Variants in MPP7 observed in about 807,000 individuals in gnomAD.
MPP7 encodes the protein MAGUK p55 subfamily member 7.
A neutral mutation model predicts 76.5 loss-of-function variants in MPP7; 60 were observed. That is an observed-to-expected ratio of 0.78 (90% CI 0.64 to 0.97). MPP7 has a LOEUF of 0.97. Among genes scored for constraint, MPP7 ranks in the 50% least tolerant of loss-of-function variants. MPP7 has a pLI of 0.00. For missense variants in MPP7, 641 were observed against 694.0 expected (o/e 0.92, Z 0.86); for synonymous variants, 237 against 244.5 (o/e 0.97, Z 0.29).
chr10:28,318,523 A>G (rs1199067416), intron 2 of MPP7, among the ~76,000 whole-genome samples: 2 of 152,156 alleles, frequency 1.3e-5, no homozygotes, highest in African/African-American at 4.8e-5. Context: ...CATCTCTACT[A>G]AAACTATAAA....
chr10:28,053,703 C>G lies in MPP7; in HGVS notation c.*362G>C. 5.1e-6 allele frequency: 1 copy of G among 197,048 alleles called. No homozygotes were observed. The highest frequency in any genetic ancestry group is 1.0e-5 in the Non-Finnish European group (1 of 99,026). The allele number at this position is 197,048 out of a possible 1,614,324, so 12.2% of individuals were successfully genotyped here. A position where few individuals can be genotyped will look rare whatever the true frequency, so the allele number is the denominator to read the frequency against. The stretch of plus-strand genomic sequence containing the variant: ...ACCTTCAACAGCTAACATTCAAACT[C>G]GACAGCAGCAGCCACACCTGAGACC... On this transcript the variant is annotated 3_prime_UTR_variant, in exon 17 of 17. Coordinates refer to ENST00000683449, the MANE Select transcript of MPP7 (RefSeq NM_001318170.2).
At chr10:28,122,030 A>C (rs1005852742) in intron 8 of MPP7, among the ~76,000 whole-genome samples, 4 of 152,176 alleles carry the variant, frequency 2.6e-5, no homozygotes, top group Non-Finnish European at 5.9e-5. Flanking sequence ...AAATAATAGA[A>C]TTTTATAAAG....
At chr10:28,181,468 A>C (rs2133907941) in intron 3 of MPP7, among the ~76,000 whole-genome samples, 2 of 152,378 alleles carry the variant, frequency 1.3e-5, no homozygotes, top group Middle Eastern at 6.8e-3. Flanking sequence ...CTGAAAAATC[A>C]AACTACATTC....
intron 1 of MPP7, among the ~76,000 whole-genome samples, chr10:28,250,066 C>G (rs1839565380): frequency 6.6e-6 from 1 of 150,882 alleles, no homozygotes; most frequent in Non-Finnish European, 1.5e-5. Context: ...AAATTACTAA[C>G]AGTAAAAGCA....
chr10:28,081,667 A>G (rs1852765477), intron 12 of MPP7, among the ~76,000 whole-genome samples: 1 of 152,198 alleles, frequency 6.6e-6, no homozygotes, highest in Non-Finnish European at 1.5e-5. Context: ...TAATATAGAA[A>G]AATAATATTT....
chr10:28,265,210 G>A (rs1482969146), intron 1 of MPP7, among the ~76,000 whole-genome samples: 1 of 152,174 alleles, frequency 6.6e-6, no homozygotes. Flanking sequence ...AAAACGAGAA[G>A]GGGTAATTGA....
At chr10:28,132,438 A>G (rs1190349149) in intron 5 of MPP7, among the ~76,000 whole-genome samples, 2 of 151,978 alleles carry the variant, frequency 1.3e-5, no homozygotes, top group African/African-American at 4.8e-5. Context: ...TTTTTTAAAA[A>G]CTTTTTTTTA....
At chr10:28,256,895 C>T (rs1321253610) in intron 1 of MPP7, among the ~76,000 whole-genome samples, 3 of 152,138 alleles carry the variant, frequency 2.0e-5, no homozygotes, top group Non-Finnish European at 4.4e-5. Context: ...CCCCCATGCC[C>T]AGTACAGAGA....
chr10:28,315,702 C>G (rs1834314197), intron 2 of MPP7, among the ~76,000 whole-genome samples: 1 of 152,142 alleles, frequency 6.6e-6, no homozygotes, highest in African/African-American at 2.4e-5. Context: ...TATGTAAATA[C>G]TCCATCCTCA....
At chr10:28,062,067 AG>A (rs1564611736) in intron 13 of MPP7, among the ~76,000 whole-genome samples, 1 of 152,158 alleles carries the variant, frequency 6.6e-6, no homozygotes, top group African/African-American at 2.4e-5. Flanking sequence ...TTCAGGAATG[AG>A]GAAAGAACAA....
rs141340207 is a variant in MPP7, at chr10:28,249,462, G to A, written c.-131-10727C>T. On this transcript the variant is annotated intron_variant, in intron 1 of 16. Coordinates refer to ENST00000683449, the MANE Select transcript of MPP7 (RefSeq NM_001318170.2). ...AAATTAGCCGGGCATGGTGGCACAC[G>A]CTTGTAGTCCCAGCTATTCGAGAGG... 3.5e-3 allele frequency among the ~76,000 whole-genome samples: 537 copies of A among 152,260 alleles called. 2 individuals carry two copies. The highest frequency in any genetic ancestry group is 5.8e-3 in the Non-Finnish European group (392 of 68,014).
At chr10:28,141,849 G>C (rs1230332368) in intron 5 of MPP7, among the ~76,000 whole-genome samples, 1 of 151,670 alleles carries the variant, frequency 6.6e-6, no homozygotes, top group Non-Finnish European at 1.5e-5. Flanking sequence ...GGCCTTAGAA[G>C]GTATCATGCT....
chr10:28,268,050 C>A (rs12357542), intron 1 of MPP7, among the ~76,000 whole-genome samples: 21,683 of 151,508 alleles, frequency 0.14, 1,624 homozygotes, highest in South Asian at 0.17. Context: ...AAAACAAAAA[C>A]AAACAAACAA....
chr10:28,236,164 C>T (rs1436047412), intron 2 of MPP7, among the ~76,000 whole-genome samples: 1 of 152,120 alleles, frequency 6.6e-6, no homozygotes, highest in East Asian at 1.9e-4. Flanking sequence ...GTGGTTTAAC[C>T]ACTCTGGAGG....
intron 12 of MPP7, among the ~76,000 whole-genome samples, chr10:28,070,198 C>T (rs1852174826): frequency 6.6e-6 from 1 of 152,064 alleles, no homozygotes; most frequent in South Asian, 2.1e-4. Context: ...GAGATTGAGA[C>T]CATCCTGGCT....
rs754442107 is a variant in MPP7, at chr10:28,131,686, C to A, written c.321G>T (p.Leu107Phe). 8 of 1,571,736 alleles carry A rather than the reference C, an allele frequency of 5.1e-6. No individual in the cohort carries two copies. Among genetic ancestry groups the A allele is most frequent in the Non-Finnish European group, 6.1e-6 (7 of 1,154,898 alleles). ...KLLSKPNVKA[L>F]LSVHDTVAQK... ...GAGCCACAGTATCATGTACAGAGAG[C>A]AAAGCCTGTAATATTCAAAGGTTGA... Residue 107 changes from leucine (L) to phenylalanine (F), a missense_variant, in exon 6 of 17, where the codon TTG (leucine) becomes TTT (phenylalanine). By Grantham distance (22) the Leu-to-Phe change is conservative (BLOSUM62 0). Coordinates refer to ENST00000683449, the MANE Select transcript of MPP7 (RefSeq NM_001318170.2).
At chr10:28,183,094 A>C (rs895522367) in intron 3 of MPP7, among the ~76,000 whole-genome samples, 8 of 152,200 alleles carry the variant, frequency 5.3e-5, no homozygotes, top group Admixed American at 3.3e-4. Context: ...AACAAACAAA[A>C]AAAGAGCAAG....
At chr10:28,194,988 C>A (rs1186431942) in intron 3 of MPP7, among the ~76,000 whole-genome samples, 1 of 152,168 alleles carries the variant, frequency 6.6e-6, no homozygotes, top group African/African-American at 2.4e-5. Context: ...GCTATCTGTA[C>A]CATCTGCTCA....
intron 1 of MPP7, among the ~76,000 whole-genome samples, chr10:28,291,605 ACT>A (rs1840922110): frequency 6.6e-6 from 1 of 151,828 alleles, no homozygotes; most frequent in African/African-American, 2.4e-5. Context: ...AGAGAGAGAC[ACT>A]GTCTCAAAAA....
Sources: gnomAD v4.1 joint callset for allele counts (sites outside exome capture counted in the v4.1 genomes callset) on GRCh38, gnomAD v4.1.1 for gene constraint, MANE v1.5 for transcripts, NCBI Gene and HGNC (gene_info 2026-07-23, HGNC 2026-07-21) for gene names.